C11orf97: variants seen among roughly 807,000 people sequenced by gnomAD.
C11orf97 encodes the protein uncharacterized protein C11orf97.
In C11orf97, 15 loss-of-function variants were observed where a neutral mutation model predicts 16.2. That is an observed-to-expected ratio of 0.93 (90% CI 0.62 to 1.43). C11orf97 has a LOEUF of 1.43. C11orf97 is among the 40% of genes most tolerant of loss of function. The pLI is 0.00. For missense variants in C11orf97, 171 were observed against 161.2 expected (o/e 1.06, Z -0.33); for synonymous variants, 61 against 65.7 (o/e 0.93, Z 0.34).
At chr11:94,526,212 A>G (rs1306080585) in intron 2 of C11orf97, among the ~76,000 whole-genome samples, 1 of 152,154 alleles carries the variant, frequency 6.6e-6, no homozygotes, top group Admixed American at 6.5e-5. Flanking sequence ...GAGAGCACCC[A>G]TGCTGTTTTC....
At chr11:94,528,976 A>G (rs1947719220) in intron 3 of C11orf97, among the ~76,000 whole-genome samples, 1 of 152,130 alleles carries the variant, frequency 6.6e-6, no homozygotes, top group African/African-American at 2.4e-5. Context: ...CTTATTCTAG[A>G]TTCTTAATAT....
intron 3 of C11orf97, among the ~76,000 whole-genome samples, chr11:94,528,605 T>G (rs1463736993): frequency 6.6e-6 from 1 of 152,214 alleles, no homozygotes; most frequent in Non-Finnish European, 1.5e-5. Context: ...AGGAAGAACA[T>G]GGCAGCCACT....
At chr11:94,514,229 T>C (rs1947591254) in intron 1 of C11orf97, among the ~76,000 whole-genome samples, 1 of 146,636 alleles carries the variant, frequency 6.8e-6, no homozygotes, top group African/African-American at 2.5e-5. Flanking sequence ...ATTTAACATA[T>C]TGAGTCTTTA....
At chr11:94,523,489 T>C (rs1020607437) in intron 2 of C11orf97, among the ~76,000 whole-genome samples, 4 of 152,336 alleles carry the variant, frequency 2.6e-5, no homozygotes, top group South Asian at 4.2e-4. Flanking sequence ...GGGCTATTTA[T>C]TGAACTTATT....
Position 94,517,657 on chromosome 11 carries a change from G to C in C11orf97, c.220G>C (p.Asp74His). ...GGAAGAAGAACGTCATATTAAGAGA[G>C]ATGAATGCCACATTAAAAATCCAGC... ...VLEEERHIKR[D>H]ECHIKNPAAV... The change falls in exon 2 of 4, where the codon GAT becomes CAT. Residue 74 changes from aspartate to histidine, a missense_variant. By Grantham distance (81) the Asp-to-His change is moderately conservative. Coordinates refer to ENST00000542198, the MANE Select transcript of C11orf97 (RefSeq NM_001190462.2). 2.6e-6 allele frequency: 4 copies of C among 1,529,800 alleles called. No individual in the cohort carries two copies. The highest frequency in any genetic ancestry group is 3.5e-6 in the Non-Finnish European group (4 of 1,144,662). The allele number at this position is 1,529,800 out of a possible 1,614,324, so 94.8% of individuals were successfully genotyped here.
chr11:94,512,817 G>A (rs978724862), intron 1 of C11orf97, 144 bp downstream of exon 1: 15 of 898,814 alleles, frequency 1.7e-5, no homozygotes, highest in Non-Finnish European at 2.0e-5. Flanking sequence ...CAGAACCAGA[G>A]ATGATGGCAC....
chr11:94,524,431 T>TA (rs551923372), intron 2 of C11orf97, among the ~76,000 whole-genome samples: 26 of 151,740 alleles, frequency 1.7e-4, no homozygotes, highest in South Asian at 8.3e-4. Flanking sequence ...TCTATTCAGT[T>TA]AAAAAAAAGA....
chr11:94,525,687 A>G (rs1947695689), intron 2 of C11orf97, among the ~76,000 whole-genome samples: 1 of 152,170 alleles, frequency 6.6e-6, no homozygotes, highest in South Asian at 2.1e-4. Context: ...AATTACTTAT[A>G]TTTTTCTTTC....
At chr11:94,523,873 A>G (rs1947678539) in intron 2 of C11orf97, among the ~76,000 whole-genome samples, 1 of 152,168 alleles carries the variant, frequency 6.6e-6, no homozygotes, top group African/African-American at 2.4e-5. Flanking sequence ...TGAAATGGAC[A>G]AGGTGTCTCA....
chr11:94,528,024 C>T (rs1947711978), intron 2 of C11orf97, 60 bp from the exon 3 acceptor site: 3 of 1,428,842 alleles, frequency 2.1e-6, no homozygotes, highest in Non-Finnish European at 2.8e-6. Flanking sequence ...ACTTTAAAAA[C>T]TCTGTGCTAA....
At chr11:94,515,461 G>A (rs576744097) in intron 1 of C11orf97, among the ~76,000 whole-genome samples, 29 of 152,162 alleles carry the variant, frequency 1.9e-4, no homozygotes, top group Non-Finnish European at 3.7e-4. Context: ...TAAAATGCTG[G>A]TAAAGGTCAA....
rs75961123 is a variant in C11orf97, at chr11:94,522,671, C to A, written c.250+4984C>A. Among the ~76,000 whole-genome samples, 1,265 of 152,320 alleles carry A rather than the reference C, an allele frequency of 8.3e-3. 8 individuals are homozygous for A. Among genetic ancestry groups the A allele is most frequent in the Middle Eastern group, 0.044 (13 of 294 alleles). ...AGAGAGCCATCCTCTATCTCCACAC[C>A]AGACCACCATGTTCCACATCGAATT... On this transcript the variant is annotated intron_variant, in intron 2 of 3. Coordinates refer to ENST00000542198, the MANE Select transcript of C11orf97 (RefSeq NM_001190462.2).
intron 2 of C11orf97, among the ~76,000 whole-genome samples, chr11:94,527,307 C>T (rs957550739): frequency 1.3e-5 from 2 of 152,114 alleles, no homozygotes; most frequent in African/African-American, 4.8e-5. Flanking sequence ...ATATTTGCAG[C>T]GTTAGAAATG....
chr11:94,512,571 C>T lies in C11orf97; in HGVS notation c.43C>T (p.Pro15Ser). Reference protein sequence around the residue: ...EAVVVTAVVAPKAGREEEQPP... With the variant: ...EAVVVTAVVASKAGREEEQPP... ...GGTGGTGGTGACCGCAGTGGTGGCG[C>T]CCAAGGCGGGTCGCGAAGAGGAGCA... The change falls in exon 1 of 4, where the codon CCC becomes TCC. Residue 15 changes from proline (P) to serine (S), a missense_variant. Coordinates refer to ENST00000542198, the MANE Select transcript of C11orf97 (RefSeq NM_001190462.2). The T allele has an allele frequency of 7.7e-7, 1 of 1,305,884 alleles. No individual in the cohort carries two copies. The highest frequency in any genetic ancestry group is 9.7e-7 in the Non-Finnish European group (1 of 1,026,950). The allele number at this position is 1,305,884 out of a possible 1,614,324, so 80.9% of individuals were successfully genotyped here.
At chr11:94,519,869 C>T (rs985178264) in intron 2 of C11orf97, among the ~76,000 whole-genome samples, 10 of 152,222 alleles carry the variant, frequency 6.6e-5, no homozygotes, top group Non-Finnish European at 1.3e-4. Context: ...CCACACTCTT[C>T]CAGCCCAGCC....
chr11:94,531,373 G>A (rs1947737212), intron 3 of C11orf97, among the ~76,000 whole-genome samples: 1 of 151,928 alleles, frequency 6.6e-6, no homozygotes, highest in African/African-American at 2.4e-5. Context: ...TGGGTGGCAG[G>A]GGTTGCAGCG....
At chr11:94,514,667 CAG>C (rs1947598065) in intron 1 of C11orf97, among the ~76,000 whole-genome samples, 2 of 104,618 alleles carry the variant, frequency 1.9e-5, no homozygotes, top group Admixed American at 1.3e-4. Flanking sequence ...TTTTTTTAGA[CAG>C]AGTCTTACTC....
At chr11:94,526,113 G>A (rs1028362979) in intron 2 of C11orf97, among the ~76,000 whole-genome samples, 3 of 152,040 alleles carry the variant, frequency 2.0e-5, no homozygotes, top group East Asian at 1.9e-4. Flanking sequence ...TTCTGGCTCC[G>A]TGCCCGCTTT....
chr11:94,527,076 C>T (rs1400229811), intron 2 of C11orf97, among the ~76,000 whole-genome samples: 1 of 152,098 alleles, frequency 6.6e-6, no homozygotes, highest in African/African-American at 2.4e-5. Flanking sequence ...TATTATTATC[C>T]CTATTTCGAA....
Sources: allele counts gnomAD v4.1 joint callset (sites outside exome capture counted in the v4.1 genomes callset), GRCh38; gene constraint gnomAD v4.1.1; transcripts MANE v1.5; gene names NCBI Gene and HGNC (gene_info 2026-07-23, HGNC 2026-07-21).